Variants in PPFIBP2 observed in about 807,000 individuals in gnomAD.
The protein encoded by PPFIBP2 is liprin-beta-2.
A neutral mutation model predicts 118.3 loss-of-function variants in PPFIBP2; 118 were observed. The ratio of observed to expected loss-of-function variants is 1.00; its 90% CI spans 0.86 to 1.16. PPFIBP2 has a LOEUF of 1.16. PPFIBP2 is among the 50% of genes most tolerant of loss of function. PPFIBP2 has a pLI of 0.00. For missense variants in PPFIBP2, 1,195 were observed against 1,073.1 expected (o/e 1.11, Z -1.59); for synonymous variants, 414 against 397.4 (o/e 1.04, Z -0.50).
intron 3 of PPFIBP2, among the ~76,000 whole-genome samples, chr11:7,569,242 A>T (rs1855377621): frequency 6.6e-6 from 1 of 152,222 alleles, no homozygotes; most frequent in Non-Finnish European, 1.5e-5. Flanking sequence ...TGGCAGAGCT[A>T]AAGCACAGCT....
the PPFIBP2 span, chr11:7,665,712 A>T: frequency 8.7e-7 from 1 of 1,153,930 alleles, no homozygotes; most frequent in Non-Finnish European, 1.2e-6. Flanking sequence ...GAACTAGTAA[A>T]CAGCCCTCTG....
chr11:7,522,770 A>T (rs982936234), intron 1 of PPFIBP2, among the ~76,000 whole-genome samples: 1 of 152,168 alleles, frequency 6.6e-6, no homozygotes, highest in African/African-American at 2.4e-5. Flanking sequence ...CCTGTGGCCT[A>T]GCTGTATGTG....
At chr11:7,586,622 T>A (rs1256508111) in intron 3 of PPFIBP2, among the ~76,000 whole-genome samples, 1 of 152,214 alleles carries the variant, frequency 6.6e-6, no homozygotes, top group African/African-American at 2.4e-5. Context: ...TGAGATGAGG[T>A]AACCTACTTG....
chr11:7,655,497 C>A, downstream of PPFIBP2: 1 of 1,289,748 alleles, frequency 7.8e-7, no homozygotes, highest in Non-Finnish European at 1.0e-6. Context: ...CACCGCCTTA[C>A]GGTAGGACTC....
chr11:7,525,591 G>A (rs1205125545), intron 1 of PPFIBP2, among the ~76,000 whole-genome samples: 1 of 152,184 alleles, frequency 6.6e-6, no homozygotes, highest in East Asian at 1.9e-4. Context: ...CCCGGAATCA[G>A]GTGGCTGGTC....
rs943583341 is a variant in PPFIBP2, at chr11:7,624,829, G to C, written c.712-948G>C. Among the ~76,000 whole-genome samples the C allele has an allele frequency of 2.6e-5, 4 of 152,320 alleles. No homozygotes were observed. In the Middle Eastern group the frequency reaches 0.01, roughly 389 times the overall value. On this transcript the variant is annotated intron_variant, in intron 7 of 23. Transcript: ENST00000299492. Reference sequence around the variant, plus strand: ...ATTGCAGTCCCATGAAGTAGGTGTAGTTTTTCCCATTTTATAGATGAGCTG... The same window carrying C: ...ATTGCAGTCCCATGAAGTAGGTGTACTTTTTCCCATTTTATAGATGAGCTG...
At chr11:7,523,436 C>T (rs1276694311) in intron 1 of PPFIBP2, among the ~76,000 whole-genome samples, 1 of 152,220 alleles carries the variant, frequency 6.6e-6, no homozygotes. Context: ...TGAAGGAAAA[C>T]TTGTCAAACT....
the PPFIBP2 span, among the ~76,000 whole-genome samples, chr11:7,664,782 G>A: frequency 4.6e-5 from 7 of 152,108 alleles, no homozygotes; most frequent in African/African-American, 1.7e-4. Context: ...AGTGAACAGG[G>A]GGATGGGTGA....
intron 3 of PPFIBP2, among the ~76,000 whole-genome samples, chr11:7,578,979 G>T (rs1856852233): frequency 6.6e-6 from 1 of 151,976 alleles, no homozygotes; most frequent in African/African-American, 2.4e-5. Context: ...GCCACGGTAA[G>T]GCTTTTGGGC....
intron 8 of PPFIBP2, 47 bp downstream of exon 8, chr11:7,625,938 T>A: frequency 6.8e-7 from 1 of 1,479,240 alleles, no homozygotes; most frequent in Non-Finnish European, 9.4e-7. Flanking sequence ...GGTCCCTGGG[T>A]CTACTCTTAT....
At chr11:7,614,433 A>G (rs779977287) in intron 6 of PPFIBP2, among the ~76,000 whole-genome samples, 2 of 152,194 alleles carry the variant, frequency 1.3e-5, no homozygotes, top group Non-Finnish European at 2.9e-5. Flanking sequence ...TACACCAAGT[A>G]TGTTTTTTAA....
Position 7,649,149 on chromosome 11 carries a change from T to C in PPFIBP2, c.1912T>C (p.Trp638Arg), listed in dbSNP as rs777815153. The C allele has an allele frequency of 8.1e-6, 13 of 1,613,402 alleles. No individual in the cohort carries two copies. Among genetic ancestry groups the C allele is most frequent in the Non-Finnish European group, 5.1e-6 (6 of 1,179,686 alleles). Residue 638 changes from tryptophan (W) to arginine (R), a missense_variant and splice_region_variant, in exon 20 of 24, where the codon TGG (tryptophan) becomes CGG (arginine). Physicochemically the swap from Trp to Arg is moderately radical, Grantham distance 101. Transcript: ENST00000299492. Reference protein sequence around the residue: ...ALLDHIWVTRWLDDIGLPQYK... With the variant: ...ALLDHIWVTRRLDDIGLPQYK... ...ATCTGGGGTTTTTGTATTTGTAGGGTGGCTTGATGATATTGGCTTACCCCA... is the reference window on the plus strand; with the variant it reads ...ATCTGGGGTTTTTGTATTTGTAGGGCGGCTTGATGATATTGGCTTACCCCA...
At chr11:7,630,830 TAATGAA>T in intron 10 of PPFIBP2, 89 bp from the exon 11 acceptor site, 2 of 901,882 alleles carry the variant, frequency 2.2e-6, no homozygotes, top group South Asian at 2.7e-5. Context: ...TAGTCCTTCT[TAATGAA>T]GGAGAAACAA....
At chr11:7,576,263 G>A (rs904672773) in intron 3 of PPFIBP2, 5 of 152,172 alleles carry the variant, frequency 3.3e-5, no homozygotes, top group African/African-American at 1.2e-4. Flanking sequence ...GGGGCCTTGC[G>A]TGTAACCACA....
chr11:7,607,057 C>T (rs1366335340), intron 5 of PPFIBP2, among the ~76,000 whole-genome samples: 1 of 150,546 alleles, frequency 6.6e-6, no homozygotes, highest in African/African-American at 2.4e-5. Context: ...ACTACAGGTG[C>T]CCACCACCAC....
chr11:7,600,005 A>G (rs1356536044), intron 5 of PPFIBP2, among the ~76,000 whole-genome samples: 1 of 151,740 alleles, frequency 6.6e-6, no homozygotes, highest in Non-Finnish European at 1.5e-5. Flanking sequence ...TGGGTTTGGT[A>G]TTGGGCGTGT....
In PPFIBP2 at chr11:7,555,318, G is replaced by A. The variant is rs144361959; in HGVS notation, c.64+5779G>A. On this transcript the variant is annotated intron_variant, in intron 2 of 23. Coordinates refer to ENST00000299492, the MANE Select transcript of PPFIBP2 (RefSeq NM_003621.5). ...AGGAGTCTGTTTTATGACAGTTAAA[G>A]AAGTTGCCCTGTCAGCTGGGGCCTT... 4.2e-3 allele frequency among the ~76,000 whole-genome samples: 644 copies of A among 152,330 alleles called. 4 individuals are homozygous for A. The highest frequency in any genetic ancestry group is 0.015 in the African/African-American group (624 of 41,576).
intron 2 of PPFIBP2, among the ~76,000 whole-genome samples, chr11:7,556,323 C>T (rs1316331958): frequency 1.1e-4 from 17 of 152,058 alleles, no homozygotes; most frequent in Non-Finnish European, 1.6e-4. Flanking sequence ...GGTGTGGTGG[C>T]GGGCACTTGT....
chr11:7,525,119 C>G (rs1407635666), intron 1 of PPFIBP2, among the ~76,000 whole-genome samples: 1 of 152,124 alleles, frequency 6.6e-6, no homozygotes, highest in Admixed American at 6.5e-5. Flanking sequence ...TCTATCATGG[C>G]AGGCAGGAGG....
Sources: allele counts gnomAD v4.1 joint callset (sites outside exome capture counted in the v4.1 genomes callset), GRCh38; gene constraint gnomAD v4.1.1; transcripts MANE v1.5; gene names NCBI Gene and HGNC (gene_info 2026-07-23, HGNC 2026-07-21).